FAF1: variants seen among roughly 807,000 people sequenced by gnomAD.
FAF1 encodes the protein FAS-associated factor 1.
FAF1 carries 25 observed loss-of-function variants against 92.5 expected under a neutral mutation model. The observed-to-expected ratio is 0.27, with a 90% CI of 0.20 to 0.38. The LOEUF (loss-of-function observed/expected upper bound fraction) is 0.38. Ranked by LOEUF, FAF1 falls within the 10% of genes least tolerant of loss-of-function variation. The pLI is 1.00. For synonymous variants in FAF1, 234 were observed against 273.2 expected, an observed-to-expected ratio of 0.86 and a Z score of 1.42; for missense variants, 636 against 793.3, an observed-to-expected ratio of 0.80 and a Z score of 2.38.
At chr1:50,845,640 C>A (rs1341469145) in intron 2 of FAF1, among the ~76,000 whole-genome samples, 1 of 152,064 alleles carries the variant, frequency 6.6e-6, no homozygotes, top group Non-Finnish European at 1.5e-5. Context: ...CGAACCAGCC[C>A]TAGCCTGGTG....
chr1:50,626,012 CAA>C (rs1653481459), intron 8 of FAF1, among the ~76,000 whole-genome samples: 1 of 152,170 alleles, frequency 6.6e-6, no homozygotes, highest in Middle Eastern at 3.4e-3. Context: ...ATCAATAGAT[CAA>C]AAGAGCTGAA....
chr1:50,690,053 T>C (rs927517870), intron 7 of FAF1, among the ~76,000 whole-genome samples: 4 of 147,630 alleles, frequency 2.7e-5, no homozygotes, highest in African/African-American at 7.5e-5. Context: ...TGGAGTGCAG[T>C]GGTGCGATCT....
At chr1:50,930,713 T>C (rs1645040611) in intron 1 of FAF1, among the ~76,000 whole-genome samples, 1 of 152,054 alleles carries the variant, frequency 6.6e-6, no homozygotes, top group African/African-American at 2.4e-5. Context: ...CGGGTGCCTG[T>C]AGTCCCAGCT....
At chr1:50,446,796 CTTCT>C (rs937435460) in intron 18 of FAF1, among the ~76,000 whole-genome samples, 54 of 151,962 alleles carry the variant, frequency 3.6e-4, no homozygotes, top group African/African-American at 1.2e-3. Context: ...GGATTTTTTT[CTTCT>C]TTTTCTTTTT....
chr1:50,729,036 A>ATCTATC (rs753561961), intron 6 of FAF1, among the ~76,000 whole-genome samples: 12,082 of 94,480 alleles, frequency 0.13, 828 homozygotes, highest in Middle Eastern at 0.2. Flanking sequence ...CTATCTATCT[A>ATCTATC]TATATATATA....
intron 1 of FAF1, among the ~76,000 whole-genome samples, chr1:50,893,568 G>C (rs1644735943): frequency 6.6e-6 from 1 of 152,114 alleles, no homozygotes; most frequent in Non-Finnish European, 1.5e-5. Context: ...GTACTGAGTT[G>C]CTTGGAGCTG....
intron 12 of FAF1, among the ~76,000 whole-genome samples, chr1:50,574,132 G>C (rs1650597916): frequency 6.6e-6 from 1 of 152,164 alleles, no homozygotes; most frequent in Admixed American, 6.6e-5. Flanking sequence ...TCTAAAAAAA[G>C]AAAAGCCTAA....
At chr1:50,792,633 T>A (rs949640886) in intron 3 of FAF1, among the ~76,000 whole-genome samples, 6 of 152,230 alleles carry the variant, frequency 3.9e-5, no homozygotes, top group African/African-American at 1.4e-4. Flanking sequence ...TTACCATGTA[T>A]AACCTGAATA....
At chr1:50,844,515 T>C (rs1005473479) in intron 2 of FAF1, among the ~76,000 whole-genome samples, 3 of 151,320 alleles carry the variant, frequency 2.0e-5, no homozygotes, top group Admixed American at 1.3e-4. Flanking sequence ...CTGAACAGAA[T>C]TGGCTTAAGT....
intron 8 of FAF1, among the ~76,000 whole-genome samples, chr1:50,621,822 C>G (rs1019552104): frequency 6.6e-6 from 1 of 152,234 alleles, no homozygotes. Flanking sequence ...CACACAAAAG[C>G]TCCTGGGCTC....
At chr1:50,824,187 T>C (rs1347262278) in intron 2 of FAF1, among the ~76,000 whole-genome samples, 1 of 152,170 alleles carries the variant, frequency 6.6e-6, no homozygotes, top group East Asian at 1.9e-4. Context: ...ACAATAACTA[T>C]TTCTTCTACT....
intron 2 of FAF1, among the ~76,000 whole-genome samples, chr1:50,848,899 G>A (rs79349247): frequency 1.8e-3 from 270 of 152,264 alleles, no homozygotes; most frequent in African/African-American, 6.3e-3. Flanking sequence ...ATGTGATCTT[G>A]AACCAGAAAA....
At chr1:50,910,873 G>A (rs1386579185) in intron 1 of FAF1, among the ~76,000 whole-genome samples, 2 of 151,846 alleles carry the variant, frequency 1.3e-5, no homozygotes, top group African/African-American at 2.4e-5. Context: ...ACACTCCGTG[G>A]GCTGCACCCA....
chr1:50,711,317 A>C (rs554003331), intron 6 of FAF1, among the ~76,000 whole-genome samples: 3 of 152,310 alleles, frequency 2.0e-5, no homozygotes, highest in African/African-American at 7.2e-5. Context: ...GTGATAGTGA[A>C]ACATCAGCAA....
At chr1:50,449,055 C>T (rs1351417939) in intron 18 of FAF1, among the ~76,000 whole-genome samples, 3 of 150,344 alleles carry the variant, frequency 2.0e-5, no homozygotes, top group African/African-American at 4.9e-5. Context: ...AAAGCCACAA[C>T]AAAGATTATT....
At chr1:50,789,503 A>ATACC (rs1242171263) in intron 3 of FAF1, among the ~76,000 whole-genome samples, 5 of 152,132 alleles carry the variant, frequency 3.3e-5, no homozygotes, top group African/African-American at 1.2e-4. Context: ...TTCATCCCAC[A>ATACC]TACCTAATCA....
At chr1:50,818,415 G>GA (rs1274625482) in intron 2 of FAF1, among the ~76,000 whole-genome samples, 1 of 151,998 alleles carries the variant, frequency 6.6e-6, no homozygotes, top group African/African-American at 2.4e-5. Context: ...TTACCCAAAA[G>GA]AAAAAATGTC....
intron 1 of FAF1, among the ~76,000 whole-genome samples, chr1:50,864,728 A>G (rs1426154961): frequency 1.3e-5 from 2 of 152,330 alleles, no homozygotes; most frequent in East Asian, 3.9e-4. Context: ...ATCTAAAACC[A>G]TAAAAACCCT....
At chr1:50,854,639 T>C (rs1220745827) in intron 2 of FAF1, among the ~76,000 whole-genome samples, 1 of 151,946 alleles carries the variant, frequency 6.6e-6, no homozygotes, top group Non-Finnish European at 1.5e-5. Context: ...GAGTTTGGAA[T>C]ACCTCTTTTG....
Sources: gnomAD v4.1 joint callset for allele counts (sites outside exome capture counted in the v4.1 genomes callset) on GRCh38, gnomAD v4.1.1 for gene constraint, MANE v1.5 for transcripts, NCBI Gene and HGNC (gene_info 2026-07-23, HGNC 2026-07-21) for gene names.